The following PTPRD variants were observed in gnomAD, a reference collection of about 807,000 sequenced individuals.
PTPRD encodes the protein protein tyrosine phosphatase receptor type D, also known as receptor-type tyrosine-protein phosphatase delta.
A neutral mutation model predicts 214.5 loss-of-function variants in PTPRD; 34 were observed. That is an observed-to-expected ratio of 0.16 (90% CI 0.12 to 0.21). The LOEUF is 0.21. Ranked by LOEUF, PTPRD falls within the 10% of genes least tolerant of loss-of-function variation. PTPRD has a pLI of 1.00. For synonymous variants in PTPRD, 1,128 were observed against 845.7 expected, an observed-to-expected ratio of 1.33 and a Z score of -5.79; for missense variants, 2,545 against 2,398.7, an observed-to-expected ratio of 1.06 and a Z score of -1.27.
At chr9:9,371,605 T>G (rs573597514) in intron 9 of PTPRD, among the ~76,000 whole-genome samples, 1 of 152,312 alleles carries the variant, frequency 6.6e-6, no homozygotes, top group South Asian at 2.1e-4. Flanking sequence ...TTTGTGTCTC[T>G]ATCTCCTTCA....
intron 10 of PTPRD, among the ~76,000 whole-genome samples, chr9:9,087,776 C>T (rs1591389211): frequency 1.3e-5 from 2 of 151,574 alleles, no homozygotes; most frequent in Non-Finnish European, 2.9e-5. Context: ...CTTTAAAATC[C>T]ACATTCCTTT....
At chr9:10,018,534 A>ATTCCT (rs2096772881) in intron 4 of PTPRD, among the ~76,000 whole-genome samples, 1 of 63,724 alleles carries the variant, frequency 1.6e-5, no homozygotes, top group Non-Finnish European at 3.7e-5. Context: ...TAAGAATTAC[A>ATTCCT]TTTCTTTTTT....
At chr9:9,733,241 G>A (rs1306138505) in intron 7 of PTPRD, among the ~76,000 whole-genome samples, 2 of 152,168 alleles carry the variant, frequency 1.3e-5, no homozygotes, top group Non-Finnish European at 1.5e-5. Context: ...ATATGTCAAA[G>A]TGTATTCTTC....
At chr9:9,849,726 C>T (rs1295788761) in intron 5 of PTPRD, among the ~76,000 whole-genome samples, 1 of 152,136 alleles carries the variant, frequency 6.6e-6, no homozygotes, top group Non-Finnish European at 1.5e-5. Flanking sequence ...TAAGGAAATA[C>T]TAGCTGTGTG....
chr9:9,448,972 C>A (rs1264718711), intron 8 of PTPRD, among the ~76,000 whole-genome samples: 2 of 152,068 alleles, frequency 1.3e-5, no homozygotes, highest in African/African-American at 4.8e-5. Context: ...TGTCTGCTCT[C>A]TCTGAGGAAT....
At chr9:8,700,194 A>G (rs1339568775) in intron 12 of PTPRD, among the ~76,000 whole-genome samples, 2 of 152,226 alleles carry the variant, frequency 1.3e-5, no homozygotes, top group Non-Finnish European at 2.9e-5. Flanking sequence ...TGGAAACTAT[A>G]TAATTTGATC....
chr9:9,619,841 C>T (rs1340078969), intron 7 of PTPRD, among the ~76,000 whole-genome samples: 1 of 145,926 alleles, frequency 6.9e-6, no homozygotes, highest in African/African-American at 2.5e-5. Flanking sequence ...TATATGTTAG[C>T]TTTTTATTTC....
chr9:9,963,667 G>C (rs1361137525), intron 4 of PTPRD, among the ~76,000 whole-genome samples: 1 of 152,212 alleles, frequency 6.6e-6, no homozygotes, highest in Non-Finnish European at 1.5e-5. Context: ...TCATGTAACA[G>C]AGCCTTTCCT....
At chr9:9,465,726 T>C (rs76011839) in intron 8 of PTPRD, among the ~76,000 whole-genome samples, 2,661 of 152,278 alleles carry the variant, frequency 0.017, 64 homozygotes, top group African/African-American at 0.059. Context: ...TTTTGCTTAA[T>C]GAAAGACCAT....
chr9:10,233,694 A>ACAT (rs1409667844), intron 3 of PTPRD, among the ~76,000 whole-genome samples: 1 of 152,008 alleles, frequency 6.6e-6, no homozygotes, highest in Non-Finnish European at 1.5e-5. Context: ...ATGTGAAGGA[A>ACAT]CATTGGGAAA....
At position 10,363,991 on chromosome 9, in the gene PTPRD, G is replaced by GTTTTTTTGTTGCTTTTTTTTT. The variant is rs1485501417; in HGVS notation, c.-599-22975_-599-22974insAAAAAAAAAGCAACAAAAAAA. Among the ~76,000 whole-genome samples, 4 of 35,132 alleles carry GTTTTTTTGTTGCTTTTTTTTT rather than the reference G, an allele frequency of 1.1e-4. 1 individual carries two copies. Among genetic ancestry groups the GTTTTTTTGTTGCTTTTTTTTT allele is most frequent in the Non-Finnish European group, 5.5e-5 (1 of 18,094 alleles). 23.0% of individuals were successfully genotyped at this position (35,132 alleles called of 152,430 possible). A position where few individuals can be genotyped will look rare whatever the true frequency, so the allele number is the denominator to read the frequency against. On this transcript the variant is annotated intron_variant, in intron 2 of 45. Transcript: ENST00000381196. The stretch of plus-strand genomic sequence containing the variant: ...ATTATTATTGCCTCCACATTTTCGG[G>GTTTTTTTGTTGCTTTTTTTTT]TTTTTTTTTTTTTTTTTTTTTTTTT...
intron 11 of PTPRD, among the ~76,000 whole-genome samples, chr9:8,949,598 T>G (rs2099090861): frequency 6.6e-6 from 1 of 152,140 alleles, no homozygotes; most frequent in Admixed American, 6.6e-5. Flanking sequence ...GATGTTGAGG[T>G]TACAAATTTA....
At chr9:10,003,621 C>T (rs2154096641) in intron 4 of PTPRD, among the ~76,000 whole-genome samples, 1 of 151,680 alleles carries the variant, frequency 6.6e-6, no homozygotes, top group African/African-American at 2.4e-5. Flanking sequence ...AAAGTTAATA[C>T]TAAAATAACC....
intron 7 of PTPRD, among the ~76,000 whole-genome samples, chr9:9,728,354 G>C (rs10816168): frequency 0.22 from 33,725 of 152,088 alleles, 4,635 homozygotes; most frequent in South Asian, 0.29. Context: ...TCCTTCCTTA[G>C]TGATAAATTG....
intron 7 of PTPRD, among the ~76,000 whole-genome samples, chr9:9,596,100 C>T (rs1226465871): frequency 6.6e-6 from 1 of 151,862 alleles, no homozygotes; most frequent in Non-Finnish European, 1.5e-5. Flanking sequence ...AACCATAGTA[C>T]CCATATGTGT....
chr9:9,648,420 G>A (rs980868217), intron 7 of PTPRD, among the ~76,000 whole-genome samples: 1 of 152,120 alleles, frequency 6.6e-6, no homozygotes, highest in East Asian at 1.9e-4. Context: ...ATAACGTTCT[G>A]TCTTCTAAAC....
At position 8,592,442 on chromosome 9, in the gene PTPRD, T is replaced by C. The variant is rs563927640; in HGVS notation, c.352+40875A>G. On this transcript the variant is annotated intron_variant, in intron 14 of 45. Coordinates refer to ENST00000381196, the MANE Select transcript of PTPRD (RefSeq NM_002839.4). ...TCCTAAGTGAGTAACTGCTTGCCAC[T>C]GACATACAAGGACTTGAATAGCTCT... Among the ~76,000 whole-genome samples, 4 of 152,292 alleles carry C rather than the reference T, an allele frequency of 2.6e-5. No homozygotes were observed. In the East Asian group the frequency reaches 7.7e-4, roughly 29 times the overall value.
At chr9:8,618,940 A>C (rs1173911242) in intron 14 of PTPRD, among the ~76,000 whole-genome samples, 7 of 46,534 alleles carry the variant, frequency 1.5e-4, no homozygotes, top group African/African-American at 2.5e-4. Flanking sequence ...TTTTTTTTTT[A>C]CCGGAAACAG....
chr9:8,337,262 G>GGTGA (rs908406544), intron 43 of PTPRD, among the ~76,000 whole-genome samples: 3 of 152,034 alleles, frequency 2.0e-5, no homozygotes, highest in African/African-American at 4.8e-5. Context: ...GGAATATTAT[G>GGTGA]GTGAGTGAGT....
Sources: gnomAD v4.1 joint callset for allele counts (sites outside exome capture counted in the v4.1 genomes callset) on GRCh38, gnomAD v4.1.1 for gene constraint, MANE v1.5 for transcripts, NCBI Gene and HGNC (gene_info 2026-07-23, HGNC 2026-07-21) for gene names.